Variants in GJB7 observed in about 807,000 individuals in gnomAD.
The protein encoded by GJB7 is gap junction protein beta 7, also known as gap junction beta-7 protein.
For missense variants in GJB7, 253 were observed against 256.8 expected (o/e 0.99, Z 0.10); for synonymous variants, 87 against 95.2 (o/e 0.91, Z 0.50).
Position 87,304,826 on chromosome 6 carries a change from G to A in GJB7, c.-28+18040C>T, listed in dbSNP as rs187531585. On this transcript the variant is annotated intron_variant, in intron 2 of 2. Transcript: ENST00000525899. ...GCAGCACATCAAAAAGCTTATCAAC[G>A]ATGATCAAGTGGGCTTCATCCCTGG... Among the ~76,000 whole-genome samples, 256 of 152,146 alleles carry A rather than the reference G, an allele frequency of 1.7e-3. 3 individuals are homozygous for A. Among genetic ancestry groups the A allele is most frequent in the Admixed American group, 0.016 (239 of 15,270 alleles).
At chr6:87,297,935 A>C (rs1032834491) in intron 2 of GJB7, among the ~76,000 whole-genome samples, 2 of 152,230 alleles carry the variant, frequency 1.3e-5, no homozygotes, top group African/African-American at 2.4e-5. Flanking sequence ...TCCTCCAGAG[A>C]AGGGCTTGTC....
intron 2 of GJB7, among the ~76,000 whole-genome samples, chr6:87,306,477 A>G (rs1582562966): frequency 6.6e-6 from 1 of 152,326 alleles, no homozygotes; most frequent in East Asian, 1.9e-4. Flanking sequence ...ACAATGAGAT[A>G]CCATCTCACA....
At chr6:87,304,324 A>G (rs897425663) in intron 2 of GJB7, among the ~76,000 whole-genome samples, 3 of 152,212 alleles carry the variant, frequency 2.0e-5, no homozygotes, top group Non-Finnish European at 4.4e-5. Context: ...ATGACGCAAT[A>G]TAAAATGATA....
chr6:87,297,262 G>A (rs887307215), intron 2 of GJB7, among the ~76,000 whole-genome samples: 16 of 152,132 alleles, frequency 1.1e-4, no homozygotes, highest in African/African-American at 3.6e-4. Context: ...TATGGTATAG[G>A]GGTAGCTTCC....
intron 2 of GJB7, among the ~76,000 whole-genome samples, chr6:87,321,422 T>G (rs1776658749): frequency 6.6e-6 from 1 of 152,140 alleles, no homozygotes; most frequent in Non-Finnish European, 1.5e-5. Flanking sequence ...GGAATTTTCT[T>G]ATTGCTACAG....
At chr6:87,307,892 T>C (rs1369000226) in intron 2 of GJB7, among the ~76,000 whole-genome samples, 1 of 152,140 alleles carries the variant, frequency 6.6e-6, no homozygotes, top group East Asian at 1.9e-4. Flanking sequence ...ACCCAAAGGA[T>C]TATACATCAT....
At chr6:87,304,169 G>A (rs77714293) in intron 2 of GJB7, among the ~76,000 whole-genome samples, 33 of 151,918 alleles carry the variant, frequency 2.2e-4, no homozygotes, top group East Asian at 3.9e-4. Flanking sequence ...AAGAAATAAC[G>A]AAGATCAGAG....
chr6:87,302,180 G>A (rs766097434), intron 2 of GJB7, among the ~76,000 whole-genome samples: 13 of 152,230 alleles, frequency 8.5e-5, no homozygotes, highest in Non-Finnish European at 1.8e-4. Context: ...TGGATGGAGA[G>A]TGACTTTGAC....
chr6:87,300,824 A>G (rs921013915), intron 2 of GJB7, among the ~76,000 whole-genome samples: 1 of 152,248 alleles, frequency 6.6e-6, no homozygotes, highest in African/African-American at 2.4e-5. Context: ...CTTTCTGTAG[A>G]GAATAAGAAT....
chr6:87,317,143 T>C (rs1776595020), intron 2 of GJB7, among the ~76,000 whole-genome samples: 1 of 149,104 alleles, frequency 6.7e-6, no homozygotes. Flanking sequence ...TCAGTTTAGA[T>C]CAGGAGTTCA....
chr6:87,287,845 A>G (rs1488046984), intron 2 of GJB7, among the ~76,000 whole-genome samples: 1 of 152,230 alleles, frequency 6.6e-6, no homozygotes. Flanking sequence ...TAATCAGAGG[A>G]TGATGGCATC....
At chr6:87,323,475 C>G (rs1776724898) in intron 1 of GJB7, among the ~76,000 whole-genome samples, 1 of 136,630 alleles carries the variant, frequency 7.3e-6, no homozygotes, top group South Asian at 2.5e-4. Context: ...CTTCCTGTGT[C>G]CATGTGTTCC....
chr6:87,328,358 C>G (rs1381333579), intron 1 of GJB7, among the ~76,000 whole-genome samples: 3 of 152,150 alleles, frequency 2.0e-5, no homozygotes, highest in South Asian at 2.1e-4. Flanking sequence ...TTTTTCTGCT[C>G]TGTTTTTTCC....
intron 2 of GJB7, among the ~76,000 whole-genome samples, chr6:87,313,719 A>G (rs1310660910): frequency 6.6e-6 from 1 of 152,204 alleles, no homozygotes; most frequent in East Asian, 1.9e-4. Context: ...ATTATGACTT[A>G]TTTGGCAAAT....
Position 87,285,263 on chromosome 6 carries a change from G to C in GJB7, c.-27-324C>G, listed in dbSNP as rs550355632. 5.3e-5 allele frequency among the ~76,000 whole-genome samples: 8 copies of C among 152,260 alleles called. No homozygotes were observed. In the East Asian group the frequency reaches 1.5e-3, roughly 29 times the overall value. Reference sequence around the variant, plus strand: ...ATTGCTTCCCTCTAAAGATGGATGGGTCATGTTACTGATATGAAGAGAATT... The same window carrying C: ...ATTGCTTCCCTCTAAAGATGGATGGCTCATGTTACTGATATGAAGAGAATT... On this transcript the variant is annotated intron_variant, in intron 2 of 2. Coordinates refer to ENST00000525899, the MANE Select transcript of GJB7 (RefSeq NM_198568.3).
In GJB7 at chr6:87,299,441, C is replaced by T. The variant is rs568625178; in HGVS notation, c.-27-14502G>A. On this transcript the variant is annotated intron_variant, in intron 2 of 2. Transcript: ENST00000525899. ...TATATTTCTCCATACTTTATTAATA[C>T]GTCAAAAGGTTAGAAATGTGAATTC... 3.5e-4 allele frequency: 159 copies of T among 453,562 alleles called. 1 individual carries two copies. Among genetic ancestry groups the T allele is most frequent in the African/African-American group, 1.7e-3 (84 of 49,710 alleles). 28.1% of individuals were successfully genotyped at this position (453,562 alleles called of 1,614,324 possible). A position where few individuals can be genotyped will look rare whatever the true frequency, so the allele number is the denominator to read the frequency against.
At chr6:87,299,556 G>T in intron 2 of GJB7, 1 of 262,316 alleles carries the variant, frequency 3.8e-6, no homozygotes. Context: ...CTCACTGTAA[G>T]TCCTTGGTCA....
intron 2 of GJB7, among the ~76,000 whole-genome samples, chr6:87,305,786 G>C (rs1357520688): frequency 1.3e-5 from 2 of 152,146 alleles, no homozygotes; most frequent in East Asian, 1.9e-4. Flanking sequence ...ATACTACAAG[G>C]CTACGGTAAC....
chr6:87,306,162 C>A (rs1438009985), intron 2 of GJB7, among the ~76,000 whole-genome samples: 9 of 151,924 alleles, frequency 5.9e-5, no homozygotes, highest in Admixed American at 1.3e-4. Flanking sequence ...GCAACAAAAG[C>A]CAAAATTGAC....
Sources: allele counts gnomAD v4.1 joint callset (sites outside exome capture counted in the v4.1 genomes callset), GRCh38; gene constraint gnomAD v4.1.1; transcripts MANE v1.5; gene names NCBI Gene and HGNC (gene_info 2026-07-23, HGNC 2026-07-21).